Variants in BBS9 observed in about 807,000 individuals in gnomAD.
The protein encoded by BBS9 is protein PTHB1.
In BBS9, 89 loss-of-function variants were observed where a neutral mutation model predicts 117.7. The observed-to-expected ratio is 0.76, with a 90% CI of 0.64 to 0.90. BBS9 has a LOEUF of 0.90. BBS9 is among the 40% of genes least tolerant of loss of function. BBS9 has a pLI of 0.00. For missense variants in BBS9, 982 were observed against 1,042.2 expected, an observed-to-expected ratio of 0.94 and a Z score of 0.80; for synonymous variants, 379 against 370.9, an observed-to-expected ratio of 1.02 and a Z score of -0.25.
intron 21 of BBS9, among the ~76,000 whole-genome samples, chr7:33,616,491 G>GTATATATATATATA (rs1255562311): frequency 2.2e-4 from 31 of 138,734 alleles, no homozygotes; most frequent in African/African-American, 7.4e-4. Flanking sequence ...GTGTGTGTGT[G>GTATATATATATATA]TGTATATATA....
intron 10 of BBS9, among the ~76,000 whole-genome samples, chr7:33,339,853 G>T (rs1173040877): frequency 6.6e-6 from 1 of 152,064 alleles, no homozygotes; most frequent in Non-Finnish European, 1.5e-5. Context: ...TGACCGTGGA[G>T]CCTGGAAGGG....
At chr7:33,379,664 G>A (rs2128740567) in intron 17 of BBS9, among the ~76,000 whole-genome samples, 1 of 152,270 alleles carries the variant, frequency 6.6e-6, no homozygotes, top group South Asian at 2.1e-4. Context: ...TACTTGATTA[G>A]CTGGGTGCTG....
At chr7:33,492,211 A>AC (rs1447721144) in intron 19 of BBS9, among the ~76,000 whole-genome samples, 2 of 145,268 alleles carry the variant, frequency 1.4e-5, no homozygotes, top group Non-Finnish European at 3.0e-5. Context: ...TCGAAAAAAA[A>AC]AACAAAAAAA....
chr7:33,545,010 A>C (rs1345731678), intron 21 of BBS9, among the ~76,000 whole-genome samples: 1 of 152,118 alleles, frequency 6.6e-6, no homozygotes, highest in Non-Finnish European at 1.5e-5. Context: ...CCCAGCTCCC[A>C]TGCAAACTGA....
At chr7:33,566,738 A>C (rs1301499654) in intron 21 of BBS9, among the ~76,000 whole-genome samples, 1 of 122,682 alleles carries the variant, frequency 8.2e-6, no homozygotes, top group East Asian at 2.4e-4. Context: ...AAAAGTTATA[A>C]AACACATATG....
chr7:33,475,427 G>A lies in BBS9; in HGVS notation c.2116-30036G>A, dbSNP rs76834396. Among the ~76,000 whole-genome samples, 700 of 152,244 alleles carry A rather than the reference G, an allele frequency of 4.6e-3. 7 individuals are homozygous for A. Among genetic ancestry groups the A allele is most frequent in the African/African-American group, 0.016 (652 of 41,544 alleles). ...GTTCAGCATATTTGGGATAGAGCCAGTGAATTTGCATTTCTAATAATTTCC... is the reference window on the plus strand; with the variant it reads ...GTTCAGCATATTTGGGATAGAGCCAATGAATTTGCATTTCTAATAATTTCC... On this transcript the variant is annotated intron_variant, in intron 19 of 22. Coordinates refer to ENST00000242067, the MANE Select transcript of BBS9 (RefSeq NM_198428.3).
chr7:33,615,792 G>A (rs186618375), intron 21 of BBS9, among the ~76,000 whole-genome samples: 43 of 152,026 alleles, frequency 2.8e-4, no homozygotes, highest in African/African-American at 9.2e-4. Context: ...GAAAATCAAA[G>A]ATAAAGGAAA....
chr7:33,390,728 T>A, intron 19 of BBS9: 1 of 558,896 alleles, frequency 1.8e-6, no homozygotes, highest in African/African-American at 2.0e-5. Flanking sequence ...TACGTAATGC[T>A]AAATTTCCCA....
intron 5 of BBS9, among the ~76,000 whole-genome samples, chr7:33,220,795 T>G (rs1374417870): frequency 1.3e-5 from 2 of 152,232 alleles, no homozygotes; most frequent in Non-Finnish European, 2.9e-5. Flanking sequence ...CACATTTACA[T>G]GGAGTAATAA....
chr7:33,630,531 C>T (rs576968809), intron 21 of BBS9, among the ~76,000 whole-genome samples: 1 of 152,264 alleles, frequency 6.6e-6, no homozygotes, highest in South Asian at 2.1e-4. Context: ...ACTCTCTCCT[C>T]GTGAGTTCAG....
At chr7:33,223,550 A>G (rs1171305361) in intron 5 of BBS9, among the ~76,000 whole-genome samples, 1 of 152,142 alleles carries the variant, frequency 6.6e-6, no homozygotes, top group African/African-American at 2.4e-5. Flanking sequence ...CTTTTTGGGG[A>G]GAGGGCCTTG....
chr7:33,165,324 G>A (rs1295444154), intron 4 of BBS9, among the ~76,000 whole-genome samples: 1 of 152,042 alleles, frequency 6.6e-6, no homozygotes, highest in Non-Finnish European at 1.5e-5. Flanking sequence ...TGCTCTTCTT[G>A]AGGAGTGTCT....
At chr7:33,540,604 A>C (rs1055528471) in intron 21 of BBS9, among the ~76,000 whole-genome samples, 5 of 152,376 alleles carry the variant, frequency 3.3e-5, no homozygotes, top group African/African-American at 1.2e-4. Flanking sequence ...CGTGATAGAA[A>C]GAACCAACAG....
At position 33,622,028 on chromosome 7, in the gene BBS9, A is replaced by C. The variant is rs568553143; in HGVS notation, c.2522-13149A>C. 3.2e-4 allele frequency among the ~76,000 whole-genome samples: 48 copies of C among 152,090 alleles called. No individual in the cohort carries two copies. The South Asian group carries it at 9.1e-3, about 29-fold the overall frequency. On this transcript the variant is annotated intron_variant, in intron 21 of 21. Transcript: ENST00000671952. Reference sequence around the variant, plus strand: ...AGTTTGAGACCAGCCTGGCCAACATAGTGAAACACCATCTCTACTAAAAAT... The same window carrying C: ...AGTTTGAGACCAGCCTGGCCAACATCGTGAAACACCATCTCTACTAAAAAT...
chr7:33,294,957 A>G (rs1209172901), intron 9 of BBS9, among the ~76,000 whole-genome samples: 1 of 152,174 alleles, frequency 6.6e-6, no homozygotes, highest in Non-Finnish European at 1.5e-5. Context: ...AGTTGGAAGT[A>G]ACTTAATAGG....
intron 9 of BBS9, among the ~76,000 whole-genome samples, chr7:33,309,595 G>A (rs971602800): frequency 5.9e-5 from 9 of 152,148 alleles, no homozygotes; most frequent in Admixed American, 5.9e-4. Flanking sequence ...TAAGAAGGTA[G>A]GAAAAGGGAC....
intron 5 of BBS9, among the ~76,000 whole-genome samples, chr7:33,248,870 G>A (rs187446704): frequency 6.6e-6 from 1 of 152,078 alleles, no homozygotes; most frequent in East Asian, 1.9e-4. Flanking sequence ...GCTGTTTTTT[G>A]TGTGTTTTTC....
At chr7:33,171,403 G>A (rs1796551703) in intron 4 of BBS9, among the ~76,000 whole-genome samples, 1 of 152,182 alleles carries the variant, frequency 6.6e-6, no homozygotes, top group Non-Finnish European at 1.5e-5. Context: ...CTAGCCATAT[G>A]TAGAAAGCTG....
intron 10 of BBS9, 97 bp from the exon 11 acceptor site, chr7:33,340,799 GT>G (rs563858589): frequency 9.4e-5 from 92 of 982,354 alleles, no homozygotes; most frequent in Admixed American, 1.2e-4. Context: ...TGTTTATGGG[GT>G]TTTTTTTATA....
Sources: gnomAD v4.1 joint callset for allele counts (sites outside exome capture counted in the v4.1 genomes callset) on GRCh38, gnomAD v4.1.1 for gene constraint, MANE v1.5 for transcripts, NCBI Gene and HGNC (gene_info 2026-07-23, HGNC 2026-07-21) for gene names.